ATRNL1: variants seen among roughly 807,000 people sequenced by gnomAD.
The protein encoded by ATRNL1 is attractin like 1.
Under a neutral mutation model 182.7 loss-of-function variants are expected in ATRNL1, and 95 were observed. The observed-to-expected ratio is 0.52, with a 90% CI of 0.44 to 0.62. ATRNL1 has a LOEUF of 0.62. Ranked by LOEUF, ATRNL1 falls within the 20% of genes least tolerant of loss-of-function variation. The pLI is 0.00. For missense variants in ATRNL1, 1,471 were observed against 1,679.5 expected, an observed-to-expected ratio of 0.88 and a Z score of 2.17; for synonymous variants, 576 against 568.3, an observed-to-expected ratio of 1.01 and a Z score of -0.19.
At chr10:115,835,456 G>T (rs781951914) in intron 27 of ATRNL1, among the ~76,000 whole-genome samples, 4 of 152,120 alleles carry the variant, frequency 2.6e-5, no homozygotes, top group Non-Finnish European at 5.9e-5. Flanking sequence ...CATCAGAATT[G>T]CCAGCCAAGG....
At chr10:115,183,557 T>C (rs1318205350) in intron 8 of ATRNL1, among the ~76,000 whole-genome samples, 1 of 151,622 alleles carries the variant, frequency 6.6e-6, no homozygotes, top group Non-Finnish European at 1.5e-5. Context: ...GACTATCTTG[T>C]ACAACAATGC....
intron 15 of ATRNL1, among the ~76,000 whole-genome samples, chr10:115,293,983 G>A (rs949599018): frequency 1.3e-5 from 2 of 152,092 alleles, no homozygotes; most frequent in Non-Finnish European, 2.9e-5. Context: ...AAGCTTCTTC[G>A]ACCTGCATGT....
chr10:115,929,341 C>T (rs1347059224), intron 28 of ATRNL1, among the ~76,000 whole-genome samples: 2 of 152,148 alleles, frequency 1.3e-5, no homozygotes, highest in Middle Eastern at 3.4e-3. Context: ...TTAATGTTCA[C>T]TTAATTCTGG....
intron 28 of ATRNL1, among the ~76,000 whole-genome samples, chr10:115,925,683 G>A (rs186807025): frequency 5.3e-5 from 8 of 152,190 alleles, no homozygotes; most frequent in East Asian, 1.9e-4. Flanking sequence ...ATTACATAAC[G>A]GTAGAGGGAA....
chr10:115,426,140 A>T, intron 20 of ATRNL1, 110 bp from the exon 21 acceptor site: 1 of 728,364 alleles, frequency 1.4e-6, no homozygotes, highest in Non-Finnish European at 2.2e-6. Context: ...ATAATGGTAT[A>T]GTTTTAAATA....
chr10:115,291,658 G>A (rs1320705934), intron 15 of ATRNL1, among the ~76,000 whole-genome samples: 6 of 151,986 alleles, frequency 3.9e-5, no homozygotes, highest in Non-Finnish European at 7.4e-5. Flanking sequence ...GATATTTGAT[G>A]TTTATTAATT....
At chr10:115,717,301 T>G (rs1260329050) in intron 26 of ATRNL1, among the ~76,000 whole-genome samples, 1 of 152,138 alleles carries the variant, frequency 6.6e-6, no homozygotes, top group Non-Finnish European at 1.5e-5. Context: ...CTGTCTGAGA[T>G]ATACAAAGAA....
chr10:115,735,535 A>G (rs1947925258), intron 27 of ATRNL1, among the ~76,000 whole-genome samples: 1 of 152,196 alleles, frequency 6.6e-6, no homozygotes, highest in South Asian at 2.1e-4. Flanking sequence ...ATTAGGCACA[A>G]TAAGAGATTA....
At chr10:115,344,763 C>T (rs1855903404) in intron 19 of ATRNL1, among the ~76,000 whole-genome samples, 1 of 152,212 alleles carries the variant, frequency 6.6e-6, no homozygotes, top group Non-Finnish European at 1.5e-5. Context: ...CAGCAAGTCT[C>T]AGAGGCTCAC....
rs368089967 is a variant in ATRNL1 at position 115,102,854 on chromosome 10, G to T, written c.293+8811G>T. ...ACTGTTTGTCAATTAAAAAAGTCTT[G>T]CTGGGATTTTTATTGAGATTGTGTT... is the stretch of plus-strand genomic sequence containing the variant. On this transcript the variant is annotated intron_variant, in intron 1 of 28. Coordinates refer to ENST00000355044, the MANE Select transcript of ATRNL1 (RefSeq NM_207303.4). 3.7e-4 allele frequency among the ~76,000 whole-genome samples: 56 copies of T among 152,150 alleles called. 1 individual carries two copies. In the South Asian group the frequency reaches 0.011, roughly 30 times the overall value.
At chr10:115,715,811 T>C (rs568023284) in intron 26 of ATRNL1, among the ~76,000 whole-genome samples, 6 of 152,298 alleles carry the variant, frequency 3.9e-5, no homozygotes, top group African/African-American at 1.4e-4. Flanking sequence ...CACGTCAAGG[T>C]ATTCAAGGGT....
chr10:115,283,870 G>C (rs1239217169), intron 14 of ATRNL1, among the ~76,000 whole-genome samples: 3 of 152,068 alleles, frequency 2.0e-5, no homozygotes, highest in South Asian at 4.1e-4. Context: ...TGTTATAAAG[G>C]CTCCACTTGA....
In ATRNL1 at chr10:115,385,589, T is replaced by G. The variant is rs79826694; in HGVS notation, c.3176-9070T>G. Among the ~76,000 whole-genome samples the G allele has an allele frequency of 8.2e-3, 1,250 of 152,264 alleles. 15 individuals carry two copies. Among genetic ancestry groups the G allele is most frequent in the African/African-American group, 0.029 (1,191 of 41,570 alleles). On this transcript the variant is annotated intron_variant, in intron 19 of 28. Coordinates refer to ENST00000355044, the MANE Select transcript of ATRNL1 (RefSeq NM_207303.4). The stretch of plus-strand genomic sequence containing the variant: ...GTAGATAAATTATATGTTTTTTTCT[T>G]TGATATTTTATACTTTTTGTATCAC...
At chr10:115,503,447 T>A (rs1351588670) in intron 24 of ATRNL1, among the ~76,000 whole-genome samples, 1 of 152,248 alleles carries the variant, frequency 6.6e-6, no homozygotes, top group Admixed American at 6.5e-5. Flanking sequence ...GAAGTTTTGC[T>A]ATTTTACACC....
intron 24 of ATRNL1, among the ~76,000 whole-genome samples, chr10:115,499,009 T>A (rs998016331): frequency 7.9e-5 from 12 of 152,232 alleles, no homozygotes; most frequent in African/African-American, 2.6e-4. Context: ...GAAAAAATTA[T>A]AATTTCTATA....
chr10:115,577,848 T>G (rs1365645617), intron 26 of ATRNL1, among the ~76,000 whole-genome samples: 1 of 151,708 alleles, frequency 6.6e-6, no homozygotes, highest in Non-Finnish European at 1.5e-5. Context: ...AGGCAAAGCT[T>G]TCAGTTTTTT....
At chr10:115,654,928 G>T (rs138408661) in intron 26 of ATRNL1, among the ~76,000 whole-genome samples, 18 of 152,282 alleles carry the variant, frequency 1.2e-4, no homozygotes, top group Non-Finnish European at 2.5e-4. Context: ...TCCACTTCTT[G>T]TCTCTTAGAG....
chr10:115,143,699 GGAGAGAGCGAGAGCAAGAGAGAGCCAGA>G (rs1465579750), intron 5 of ATRNL1, among the ~76,000 whole-genome samples: 3 of 152,066 alleles, frequency 2.0e-5, no homozygotes, highest in Admixed American at 2.0e-4. Flanking sequence ...AAGGAGAGGA[GGAGAGAGCGAGAGCAAGAGAGAGCCAGA>G]GAGAGAGAGA....
chr10:115,301,272 A>T (rs1853453944), intron 16 of ATRNL1, among the ~76,000 whole-genome samples: 1 of 152,184 alleles, frequency 6.6e-6, no homozygotes, highest in Non-Finnish European at 1.5e-5. Context: ...CCAGAAGCAG[A>T]ATTACAAAAT....
Sources: gnomAD v4.1 joint callset for allele counts (sites outside exome capture counted in the v4.1 genomes callset) on GRCh38, gnomAD v4.1.1 for gene constraint, MANE v1.5 for transcripts, NCBI Gene and HGNC (gene_info 2026-07-23, HGNC 2026-07-21) for gene names.